FGF14: variants seen among roughly 807,000 people sequenced by gnomAD.
The protein encoded by FGF14 is fibroblast growth factor 14, also known as fibroblast growth factor homologous factor 4.
In FGF14, 5 loss-of-function variants were observed where a neutral mutation model predicts 25.5. That is an observed-to-expected ratio of 0.20 (90% CI 0.10 to 0.41). The LOEUF is 0.41. FGF14 is among the 10% of genes least tolerant of loss of function. The pLI, the probability that FGF14 is intolerant of heterozygous loss-of-function variation, is 1.00. For synonymous variants in FGF14, 138 were observed against 118.3 expected, an observed-to-expected ratio of 1.17 and a Z score of -1.08; for missense variants, 222 against 320.1, an observed-to-expected ratio of 0.69 and a Z score of 2.34.
At chr13:101,996,829 C>A (rs1037903616) in intron 1 of FGF14, among the ~76,000 whole-genome samples, 22 of 152,186 alleles carry the variant, frequency 1.4e-4, no homozygotes, top group African/African-American at 5.3e-4. Context: ...CTGCATGGAA[C>A]AATTTTCTCT....
intron 3 of FGF14, among the ~76,000 whole-genome samples, chr13:101,809,879 A>T (rs1468943142): frequency 6.6e-6 from 1 of 152,116 alleles, no homozygotes; most frequent in African/African-American, 2.4e-5. Flanking sequence ...TTCACATCTT[A>T]TAGAGGAAGA....
intron 1 of FGF14, among the ~76,000 whole-genome samples, chr13:102,140,372 G>C (rs2046598747): frequency 6.6e-6 from 1 of 152,120 alleles, no homozygotes; most frequent in African/African-American, 2.4e-5. Context: ...CACAATGTTT[G>C]ATGTTGGATC....
At position 102,310,702 on chromosome 13, in the gene FGF14, G is replaced by GT. The variant is rs1555399397; in HGVS notation, c.208+90768_208+90769insA. On this transcript the variant is annotated intron_variant, in intron 1 of 4. Transcript: ENST00000376131. ...CTCTCTCTCTGTGTGTGTGTGGGGG[G>GT]GGGGGGGTGGGGGTTGTTTAACTGC... Among the ~76,000 whole-genome samples the GT allele has an allele frequency of 4.9e-5, 3 of 61,410 alleles. 1 individual carries two copies. Among genetic ancestry groups the GT allele is most frequent in the Non-Finnish European group, 1.0e-4 (3 of 29,486 alleles). The allele number at this position is 61,410 out of a possible 152,430, so 40.3% of individuals were successfully genotyped here. A position where few individuals can be genotyped will look rare whatever the true frequency, so the allele number is the denominator to read the frequency against.
At chr13:101,975,699 C>A (rs1260947730) in intron 1 of FGF14, among the ~76,000 whole-genome samples, 1 of 152,150 alleles carries the variant, frequency 6.6e-6, no homozygotes, top group Non-Finnish European at 1.5e-5. Flanking sequence ...GAAACATAGG[C>A]CTTCTTGGCC....
intron 3 of FGF14, among the ~76,000 whole-genome samples, chr13:101,786,278 G>T (rs1418426720): frequency 6.6e-6 from 1 of 152,134 alleles, no homozygotes; most frequent in African/African-American, 2.4e-5. Flanking sequence ...CTGAGAACAG[G>T]AATTTTTACA....
At chr13:101,948,618 A>G (rs1366907342) in intron 1 of FGF14, among the ~76,000 whole-genome samples, 2 of 152,058 alleles carry the variant, frequency 1.3e-5, no homozygotes, top group Non-Finnish European at 1.5e-5. Context: ...TGGGTTCCCA[A>G]CACATAAGCT....
intron 3 of FGF14, among the ~76,000 whole-genome samples, chr13:101,763,562 GA>G (rs1203825621): frequency 1.3e-5 from 2 of 151,692 alleles, no homozygotes; most frequent in Non-Finnish European, 2.9e-5. Context: ...TTTGAGGTAA[GA>G]AACTTAACTT....
At chr13:101,743,442 T>G (rs185053963) in intron 3 of FGF14, among the ~76,000 whole-genome samples, 1 of 152,300 alleles carries the variant, frequency 6.6e-6, no homozygotes, top group African/African-American at 2.4e-5. Context: ...TTTATTTATT[T>G]TGCTTTATTG....
chr13:102,118,643 GA>G (rs1027284426), intron 1 of FGF14, among the ~76,000 whole-genome samples: 9 of 151,548 alleles, frequency 5.9e-5, no homozygotes, highest in African/African-American at 1.2e-4. Context: ...TGCAAGTTTG[GA>G]AAAAAAATTC....
At chr13:102,103,236 C>G (rs1414666436) in intron 1 of FGF14, among the ~76,000 whole-genome samples, 1 of 151,998 alleles carries the variant, frequency 6.6e-6, no homozygotes, top group African/African-American at 2.4e-5. Flanking sequence ...AAAGTAAAAG[C>G]TGCCCAGGAA....
chr13:102,275,120 T>C (rs1289255989), intron 1 of FGF14, among the ~76,000 whole-genome samples: 1 of 152,060 alleles, frequency 6.6e-6, no homozygotes. Flanking sequence ...TTATGTCCTA[T>C]CTTCATAGCA....
chr13:102,275,282 C>CTCTCTA (rs1184449210), intron 1 of FGF14, among the ~76,000 whole-genome samples: 1 of 148,150 alleles, frequency 6.7e-6, no homozygotes, highest in African/African-American at 2.5e-5. Flanking sequence ...CTCTCTCTCT[C>CTCTCTA]TCTCTGCCAC....
intron 1 of FGF14, among the ~76,000 whole-genome samples, chr13:102,142,964 C>T (rs1390736762): frequency 1.3e-5 from 2 of 152,060 alleles, no homozygotes; most frequent in African/African-American, 4.8e-5. Flanking sequence ...CCTTCTGCAC[C>T]TTCTATAAAC....
intron 3 of FGF14, among the ~76,000 whole-genome samples, chr13:101,748,400 CAT>C (rs771886665): frequency 2.0e-5 from 3 of 151,990 alleles, no homozygotes; most frequent in African/African-American, 4.8e-5. Flanking sequence ...CCAAATACCA[CAT>C]GTTCTCACTT....
intron 1 of FGF14, among the ~76,000 whole-genome samples, chr13:102,323,802 G>A (rs2056326083): frequency 6.6e-6 from 1 of 152,248 alleles, no homozygotes; most frequent in Non-Finnish European, 1.5e-5. Flanking sequence ...TTTGAATTCA[G>A]GTTCTGAGAT....
At chr13:102,129,080 A>G (rs1337979441) in intron 1 of FGF14, among the ~76,000 whole-genome samples, 1 of 152,034 alleles carries the variant, frequency 6.6e-6, no homozygotes, top group Non-Finnish European at 1.5e-5. Flanking sequence ...AAATAAATAA[A>G]TTAATTAAAA....
At chr13:101,816,063 G>C (rs1310419969) in intron 3 of FGF14, among the ~76,000 whole-genome samples, 2 of 151,774 alleles carry the variant, frequency 1.3e-5, no homozygotes, top group Non-Finnish European at 2.9e-5. Context: ...GAGGTCAGGA[G>C]ATCGAGACCA....
chr13:102,054,849 GA>G (rs1313744200), intron 1 of FGF14, among the ~76,000 whole-genome samples: 4 of 152,002 alleles, frequency 2.6e-5, no homozygotes, highest in African/African-American at 9.7e-5. Flanking sequence ...TCCCCAATAT[GA>G]AACCATTCAT....
At chr13:102,263,237 T>C in intron 1 of FGF14, 1 of 431,798 alleles carries the variant, frequency 2.3e-6, no homozygotes, top group Admixed American at 3.2e-5. Flanking sequence ...CACACCACGA[T>C]GGCAGAGAAA....
Sources: gnomAD v4.1 joint callset for allele counts (sites outside exome capture counted in the v4.1 genomes callset) on GRCh38, gnomAD v4.1.1 for gene constraint, MANE v1.5 for transcripts, NCBI Gene and HGNC (gene_info 2026-07-23, HGNC 2026-07-21) for gene names.